Variants in CHST13 observed in about 807,000 individuals in gnomAD.
The protein encoded by CHST13 is carbohydrate sulfotransferase 13, also known as C4ST-3.
A neutral mutation model predicts 7.0 loss-of-function variants in CHST13; 1 was observed. The ratio of observed to expected loss-of-function variants is 0.14; its 90% CI spans 0.05 to 0.68. The LOEUF (loss-of-function observed/expected upper bound fraction) is 0.68. CHST13 is among the 30% of genes least tolerant of loss of function. The pLI is 0.82. For missense variants in CHST13, 572 were observed against 507.9 expected, an observed-to-expected ratio of 1.13 and a Z score of -1.21; for synonymous variants, 257 against 240.9, an observed-to-expected ratio of 1.07 and a Z score of -0.62.
Position 126,542,124 on chromosome 3 carries a change from C to T in CHST13, c.572C>T (p.Pro191Leu). The change falls in exon 3 of 3, where the codon CCC (proline) becomes CTC (leucine). Residue 191 changes from proline to leucine, a missense_variant. Physicochemically the swap from Pro to Leu is moderately conservative, Grantham distance 98. Transcript: ENST00000319340. ...ASAYRNKLAR[P>L]YSAAFQRRYG... ...GCTTACCGCAACAAGCTCGCGCGCCCCTACAGCGCCGCCTTCCAGAGGCGC... is the reference window on the plus strand; with the variant it reads ...GCTTACCGCAACAAGCTCGCGCGCCTCTACAGCGCCGCCTTCCAGAGGCGC... 2.5e-6 allele frequency: 4 copies of T among 1,571,116 alleles called. No homozygotes were observed. Among genetic ancestry groups the T allele is most frequent in the Non-Finnish European group, 3.4e-6 (4 of 1,163,302 alleles).
intron 1 of CHST13, among the ~76,000 whole-genome samples, chr3:126,528,304 G>A (rs558582983): frequency 6.6e-6 from 1 of 152,218 alleles, no homozygotes; most frequent in South Asian, 2.1e-4. Flanking sequence ...CACTGGCACT[G>A]GGCAAGGTTG....
Position 126,542,085 on chromosome 3 carries a change from A to G in CHST13, c.533A>G (p.Glu178Gly). 6.3e-7 allele frequency: 1 copy of G among 1,584,220 alleles called. No homozygotes were observed. Among genetic ancestry groups the G allele is most frequent in the Non-Finnish European group, 8.6e-7 (1 of 1,169,418 alleles). The change falls in exon 3 of 3, where the codon GAG (glutamate) becomes GGG (glycine). Residue 178 changes from glutamate to glycine, a missense_variant. Physicochemically the swap from Glu to Gly is moderately conservative, Grantham distance 98. Transcript: ENST00000319340. ...TTCCTGTTCGTGCGGGAGCCCTTCG[A>G]GCGCCTGGCATCGGCTTACCGCAAC... is the stretch of plus-strand genomic sequence containing the variant. ...LAFLFVREPF[E>G]RLASAYRNKL...
At position 126,542,072 on chromosome 3, in the gene CHST13, C is replaced by G. The variant is rs1936971764; in HGVS notation, c.520C>G (p.Arg174Gly). The change falls in exon 3 of 3, where the codon CGG becomes GGG. Residue 174 changes from arginine to glycine, a missense_variant. By Grantham distance (125) the Arg-to-Gly change is moderately radical. Coordinates refer to ENST00000319340, the MANE Select transcript of CHST13 (RefSeq NM_152889.3). Reference sequence around the variant, plus strand: ...CGCCTACTTGGCCTTCCTGTTCGTGCGGGAGCCCTTCGAGCGCCTGGCATC... The same window carrying G: ...CGCCTACTTGGCCTTCCTGTTCGTGGGGGAGCCCTTCGAGCGCCTGGCATC... ...LRAYLAFLFV[R>G]EPFERLASAY... is the part of the protein sequence containing the mutation. The G allele has an allele frequency of 6.3e-7, 1 of 1,583,640 alleles. No homozygotes were observed.
Position 126,542,194 on chromosome 3 carries a change from C to A in CHST13, c.642C>A (p.Pro214=). Residue 214 remains proline, a synonymous_variant, in exon 3 of 3, where the codon CCC becomes CCA. Transcript: ENST00000319340. ...AGCGCCTGCGGCCGCGCGCGCTCCCCGACGCCCGGGCCCGCGGCCACGACG... is the reference window on the plus strand; with the variant it reads ...AGCGCCTGCGGCCGCGCGCGCTCCCAGACGCCCGGGCCCGCGGCCACGACG... ...IVQRLRPRAL[P]DARARGHDVR... 5 of 1,442,304 alleles carry A rather than the reference C, an allele frequency of 3.5e-6. No homozygotes were observed. The highest frequency in any genetic ancestry group is 2.7e-6 in the Non-Finnish European group (3 of 1,105,144). The allele number at this position is 1,442,304 out of a possible 1,614,324, so 89.3% of individuals were successfully genotyped here.
chr3:126,535,421 G>C (rs1936763630), intron 1 of CHST13, among the ~76,000 whole-genome samples: 2 of 147,720 alleles, frequency 1.4e-5, no homozygotes. Context: ...CCTCAACCGG[G>C]AGACAGACAG....
At chr3:126,536,937 A>T (rs1936808953) in intron 2 of CHST13, among the ~76,000 whole-genome samples, 1 of 147,566 alleles carries the variant, frequency 6.8e-6, no homozygotes, top group South Asian at 2.2e-4. Context: ...CACACACACA[A>T]GTACTTATTC....
intron 1 of CHST13, chr3:126,527,165 T>C (rs1366472201): frequency 6.6e-6 from 1 of 152,412 alleles, no homozygotes; most frequent in Non-Finnish European, 1.5e-5. Flanking sequence ...GGTGTTCCTC[T>C]TGGAGCCAGG....
Position 126,542,074 on chromosome 3 carries a change from G to A in CHST13, c.522G>A (p.Arg174=). 6.3e-7 allele frequency: 1 copy of A among 1,584,228 alleles called. No individual in the cohort carries two copies. Among genetic ancestry groups the A allele is most frequent in the Admixed American group, 1.7e-5 (1 of 58,244 alleles). ...CCTACTTGGCCTTCCTGTTCGTGCG[G>A]GAGCCCTTCGAGCGCCTGGCATCGG... is the stretch of plus-strand genomic sequence containing the variant. ...LRAYLAFLFV[R]EPFERLASAY... is the part of the protein sequence containing the mutation. The change falls in exon 3 of 3, where the codon CGG becomes CGA. Residue 174 remains arginine (R), a synonymous_variant. Transcript: ENST00000319340.
At chr3:126,528,514 G>A (rs1404525175) in intron 1 of CHST13, among the ~76,000 whole-genome samples, 2 of 152,196 alleles carry the variant, frequency 1.3e-5, no homozygotes, top group Admixed American at 6.5e-5. Context: ...AGCCCTGTGG[G>A]TTTAGAGATC....
Position 126,542,023 on chromosome 3 carries a change from C to T in CHST13, c.471C>T (p.Pro157=), listed in dbSNP as rs1389594748. 7 of 1,569,050 alleles carry T rather than the reference C, an allele frequency of 4.5e-6. No homozygotes were observed. The highest frequency in any genetic ancestry group is 1.4e-5 in the African/African-American group (1 of 72,002). Residue 157 remains proline, a synonymous_variant, in exon 3 of 3, where the codon CCC becomes CCT. Transcript: ENST00000319340. ...GRLPSLADFS[P]AEINRRLRAY... Reference sequence around the variant, plus strand: ...TGCCCTCACTGGCCGACTTCAGCCCCGCCGAGATCAACCGGCGCCTGCGCG... The same window carrying T: ...TGCCCTCACTGGCCGACTTCAGCCCTGCCGAGATCAACCGGCGCCTGCGCG...
At chr3:126,528,626 TG>T (rs1936583226) in intron 1 of CHST13, among the ~76,000 whole-genome samples, 1 of 152,022 alleles carries the variant, frequency 6.6e-6, no homozygotes, top group Non-Finnish European at 1.5e-5. Context: ...GGGCTGGCCA[TG>T]GGCAGGGAAG....
At chr3:126,536,424 A>G in intron 2 of CHST13, 71 bp downstream of exon 2, 1 of 1,210,922 alleles carries the variant, frequency 8.3e-7, no homozygotes, top group Non-Finnish European at 1.2e-6. Context: ...GCAACAGTGC[A>G]GACCTGCTGG....
chr3:126,539,632 C>T (rs1254017210), intron 2 of CHST13, among the ~76,000 whole-genome samples: 2 of 143,450 alleles, frequency 1.4e-5, no homozygotes, highest in East Asian at 4.4e-4. Flanking sequence ...AGCACACACA[C>T]ACCCCACACA....
At chr3:126,533,250 T>C (rs935689994) in intron 1 of CHST13, among the ~76,000 whole-genome samples, 3 of 152,218 alleles carry the variant, frequency 2.0e-5, no homozygotes, top group Admixed American at 1.3e-4. Flanking sequence ...TTACCCTGGA[T>C]AAAACCTCCA....
intron 1 of CHST13, among the ~76,000 whole-genome samples, chr3:126,531,070 CCT>C (rs759695484): frequency 8.5e-5 from 13 of 152,266 alleles, no homozygotes; most frequent in Admixed American, 2.0e-4. Flanking sequence ...CTTCCACGAA[CCT>C]CTGTTTATTC....
Position 126,536,369 on chromosome 3 carries a change from C to A in CHST13, c.180+16C>A, listed in dbSNP as rs770637595. 1.7e-5 allele frequency: 27 copies of A among 1,604,308 alleles called. No homozygotes were observed. Among genetic ancestry groups the A allele is most frequent in the Non-Finnish European group, 2.3e-5 (27 of 1,171,838 alleles). On this transcript the variant is annotated intron_variant, in intron 2 of 2. Coordinates refer to ENST00000319340, the MANE Select transcript of CHST13 (RefSeq NM_152889.3). ...CCTGGATCAGGTAGGTGGACAGACCCTCGACCCAGGCATGCCCCCCTCCAT... is the reference window on the plus strand; with the variant it reads ...CCTGGATCAGGTAGGTGGACAGACCATCGACCCAGGCATGCCCCCCTCCAT...
intron 1 of CHST13, among the ~76,000 whole-genome samples, chr3:126,530,056 G>C (rs1221564010): frequency 2.0e-5 from 3 of 152,206 alleles, no homozygotes; most frequent in Non-Finnish European, 4.4e-5. Flanking sequence ...CCTGTTTGGG[G>C]CCAGCCCCCA....
Position 126,541,974 on chromosome 3 carries a change from A to G in CHST13, c.422A>G (p.Gln141Arg). Residue 141 changes from glutamine (Q) to arginine (R), a missense_variant, in exon 3 of 3, where the codon CAA becomes CGA. Coordinates refer to ENST00000319340, the MANE Select transcript of CHST13 (RefSeq NM_152889.3). ...GGCGACCCGCGCGCCATCTCCGCGC[A>G]AGAGGCGCACGCGCCTGGCCGCCTG... ...ARGDPRAISA[Q>R]EAHAPGRLPS... 1 of 1,579,628 alleles carries G rather than the reference A, an allele frequency of 6.3e-7. No homozygotes were observed.
intron 1 of CHST13, chr3:126,527,249 A>G (rs971231792): frequency 6.6e-6 from 1 of 152,224 alleles, no homozygotes; most frequent in African/African-American, 2.4e-5. Flanking sequence ...GGGCCACCCA[A>G]TGGCACACAG....
Sources: gnomAD v4.1 joint callset for allele counts (sites outside exome capture counted in the v4.1 genomes callset) on GRCh38, gnomAD v4.1.1 for gene constraint, MANE v1.5 for transcripts, NCBI Gene and HGNC (gene_info 2026-07-23, HGNC 2026-07-21) for gene names.